The following IMMP2L variants were observed in gnomAD, a reference collection of about 807,000 sequenced individuals.
The protein encoded by IMMP2L is inner mitochondrial membrane peptidase subunit 2, also known as mitochondrial inner membrane protease subunit 2.
IMMP2L carries 18 observed loss-of-function variants against 19.3 expected under a neutral mutation model. The ratio of observed to expected loss-of-function variants is 0.93; its 90% confidence interval spans 0.64 to 1.38. The LOEUF is 1.38. Ranked by LOEUF, IMMP2L falls within the 40% of genes most tolerant of loss-of-function variation. The pLI is 0.00. For missense variants in IMMP2L, 233 were observed against 218.2 expected, an observed-to-expected ratio of 1.07 and a Z score of -0.43; for synonymous variants, 76 against 73.0, an observed-to-expected ratio of 1.04 and a Z score of -0.21.
At chr7:110,731,479 CTGTT>C (rs1796275245) in intron 5 of IMMP2L, among the ~76,000 whole-genome samples, 1 of 152,132 alleles carries the variant, frequency 6.6e-6, no homozygotes, top group Admixed American at 6.5e-5. Context: ...GTGCCCTTAT[CTGTT>C]TGTCATTGCA....
At chr7:111,169,411 C>T (rs1806189000) in intron 3 of IMMP2L, among the ~76,000 whole-genome samples, 1 of 151,866 alleles carries the variant, frequency 6.6e-6, no homozygotes, top group African/African-American at 2.4e-5. Context: ...AATCTCATCT[C>T]TCACATTTGG....
At chr7:111,086,899 C>G (rs1050605929) in intron 3 of IMMP2L, among the ~76,000 whole-genome samples, 2 of 152,172 alleles carry the variant, frequency 1.3e-5, no homozygotes, top group Non-Finnish European at 2.9e-5. Flanking sequence ...AAAACTAATT[C>G]CTTTTTAAAA....
chr7:111,099,542 T>G (rs1797749381), intron 3 of IMMP2L, among the ~76,000 whole-genome samples: 1 of 151,810 alleles, frequency 6.6e-6, no homozygotes, highest in Non-Finnish European at 1.5e-5. Flanking sequence ...TGTCACCTCC[T>G]GAAAGGGCTA....
At chr7:111,013,319 G>A (rs560671759) in intron 3 of IMMP2L, among the ~76,000 whole-genome samples, 1 of 152,224 alleles carries the variant, frequency 6.6e-6, no homozygotes, top group South Asian at 2.1e-4. Context: ...ACTGAAGGAG[G>A]CAAGTCAAGG....
intron 5 of IMMP2L, among the ~76,000 whole-genome samples, chr7:110,813,728 T>C (rs1802218922): frequency 7.1e-6 from 1 of 140,214 alleles, no homozygotes; most frequent in East Asian, 2.1e-4. Context: ...AGATCAGAAA[T>C]TCTAAGCAAA....
intron 5 of IMMP2L, among the ~76,000 whole-genome samples, chr7:110,689,131 G>C (rs1264660631): frequency 1.3e-5 from 2 of 152,084 alleles, no homozygotes; most frequent in African/African-American, 4.8e-5. Flanking sequence ...GTGGAACTCC[G>C]CATTCTGTGG....
chr7:111,217,485 C>T (rs541101107), intron 3 of IMMP2L, among the ~76,000 whole-genome samples: 1 of 152,192 alleles, frequency 6.6e-6, no homozygotes, highest in South Asian at 2.1e-4. Context: ...TTAGGGTCAG[C>T]TTCTCCTGAA....
At chr7:111,333,789 T>C (rs935698967) in intron 3 of IMMP2L, among the ~76,000 whole-genome samples, 3 of 152,144 alleles carry the variant, frequency 2.0e-5, no homozygotes, top group South Asian at 2.1e-4. Context: ...CCCTTGAACA[T>C]TGGACTCCAA....
At chr7:111,373,024 G>A (rs1830387098) in intron 3 of IMMP2L, among the ~76,000 whole-genome samples, 1 of 151,714 alleles carries the variant, frequency 6.6e-6, no homozygotes, top group South Asian at 2.1e-4. Flanking sequence ...TAATTACGGA[G>A]GATTAAGAGA....
intron 2 of IMMP2L, among the ~76,000 whole-genome samples, chr7:111,498,353 A>C (rs969833118): frequency 2.6e-5 from 4 of 152,182 alleles, no homozygotes; most frequent in Admixed American, 2.0e-4. Flanking sequence ...ATATAAACAT[A>C]TCTGCATATT....
chr7:111,436,623 C>A (rs1168240583), intron 3 of IMMP2L, among the ~76,000 whole-genome samples: 1 of 151,458 alleles, frequency 6.6e-6, no homozygotes, highest in East Asian at 1.9e-4. Context: ...ATTTTTAAGC[C>A]CTAAATATTT....
At chr7:110,690,156 T>C (rs572925810) in intron 5 of IMMP2L, among the ~76,000 whole-genome samples, 16 of 152,212 alleles carry the variant, frequency 1.1e-4, no homozygotes, top group South Asian at 2.1e-4. Flanking sequence ...CCACAATTCC[T>C]GTCCTATGAC....
chr7:111,444,188 T>C (rs17158574), intron 3 of IMMP2L, among the ~76,000 whole-genome samples: 3,534 of 152,244 alleles, frequency 0.023, 140 homozygotes, highest in African/African-American at 0.08. Context: ...TTGTCCTTTT[T>C]CTGAGGGTTT....
intron 5 of IMMP2L, among the ~76,000 whole-genome samples, chr7:110,730,552 G>A (rs1329494270): frequency 1.3e-4 from 19 of 148,382 alleles, no homozygotes; most frequent in Non-Finnish European, 2.4e-4. Flanking sequence ...TTTTTGAGAC[G>A]GAGTCTCGCT....
intron 5 of IMMP2L, among the ~76,000 whole-genome samples, chr7:110,665,855 C>T (rs1791412887): frequency 6.6e-6 from 1 of 152,112 alleles, no homozygotes; most frequent in Admixed American, 6.5e-5. Flanking sequence ...TATATGCCAG[C>T]TATATTTCAT....
chr7:111,237,288 T>G (rs1172176074), intron 3 of IMMP2L, among the ~76,000 whole-genome samples: 1 of 152,104 alleles, frequency 6.6e-6, no homozygotes, highest in Non-Finnish European at 1.5e-5. Flanking sequence ...CCTTAGATAC[T>G]GAGTAATTAA....
At chr7:111,154,602 C>G (rs1804436141) in intron 3 of IMMP2L, among the ~76,000 whole-genome samples, 1 of 152,108 alleles carries the variant, frequency 6.6e-6, no homozygotes, top group South Asian at 2.1e-4. Flanking sequence ...AGGAATTTTA[C>G]TTGGAATGTA....
chr7:111,468,359 T>A (rs1840884966), intron 3 of IMMP2L, among the ~76,000 whole-genome samples: 1 of 152,180 alleles, frequency 6.6e-6, no homozygotes, highest in South Asian at 2.1e-4. Context: ...ATTAACCTAA[T>A]TATGGGTATC....
intron 3 of IMMP2L, chr7:111,391,910 C>T: frequency 1.4e-6 from 1 of 702,838 alleles, no homozygotes; most frequent in Non-Finnish European, 2.6e-6. Flanking sequence ...TTGAGCACTG[C>T]CCGCCTTGTC....
Sources: gnomAD v4.1 joint callset for allele counts (sites outside exome capture counted in the v4.1 genomes callset) on GRCh38, gnomAD v4.1.1 for gene constraint, MANE v1.5 for transcripts, NCBI Gene and HGNC (gene_info 2026-07-23, HGNC 2026-07-21) for gene names.